The following WWC2 variants were observed in gnomAD, a reference collection of about 807,000 sequenced individuals.
WWC2 encodes protein WWC2.
A neutral mutation model predicts 138.5 loss-of-function variants in WWC2; 101 were observed. The observed-to-expected ratio is 0.73, with a 90% confidence interval of 0.62 to 0.86. The LOEUF is 0.86. Among genes scored for constraint, WWC2 ranks in the 40% least tolerant of loss-of-function variants. WWC2 has a pLI of 0.00. For synonymous variants in WWC2, 558 were observed against 538.4 expected, an observed-to-expected ratio of 1.04 and a Z score of -0.50; for missense variants, 1,420 against 1,419.4, an observed-to-expected ratio of 1.00 and a Z score of -0.01.
intron 1 of WWC2, among the ~76,000 whole-genome samples, chr4:183,165,772 A>T (rs766443916): frequency 6.6e-6 from 1 of 152,184 alleles, no homozygotes; most frequent in African/African-American, 2.4e-5. Context: ...TTTTCATCCA[A>T]ATCTTACATT....
At chr4:183,168,718 T>C (rs1008846374) in intron 1 of WWC2, among the ~76,000 whole-genome samples, 4 of 152,016 alleles carry the variant, frequency 2.6e-5, no homozygotes, top group African/African-American at 9.7e-5. Flanking sequence ...TTGTTAAGGA[T>C]AAAAATGAAA....
intron 4 of WWC2, among the ~76,000 whole-genome samples, chr4:183,222,995 G>C (rs145223016): frequency 2.6e-5 from 4 of 152,030 alleles, no homozygotes; most frequent in African/African-American, 9.7e-5. Context: ...ATATAGTTAC[G>C]TGCCAAATAA....
At chr4:183,120,007 T>C (rs1046823491) in intron 1 of WWC2, among the ~76,000 whole-genome samples, 2 of 152,196 alleles carry the variant, frequency 1.3e-5, no homozygotes, top group African/African-American at 4.8e-5. Context: ...ACAACGGAAA[T>C]GGAAATCATT....
At chr4:183,136,227 A>G (rs770465208) in intron 1 of WWC2, among the ~76,000 whole-genome samples, 3 of 151,926 alleles carry the variant, frequency 2.0e-5, no homozygotes, top group Non-Finnish European at 4.4e-5. Flanking sequence ...TTTCTTCTTT[A>G]TGGAGCTCTA....
intron 19 of WWC2, 26 bp downstream of exon 19, chr4:183,284,416 G>A (rs1738178997): frequency 6.2e-7 from 1 of 1,603,314 alleles, no homozygotes; most frequent in Non-Finnish European, 8.5e-7. Flanking sequence ...TCGTGGTGAG[G>A]CGCTGGGACT....
At chr4:183,220,210 A>G (rs1345398989) in intron 4 of WWC2, among the ~76,000 whole-genome samples, 1 of 152,170 alleles carries the variant, frequency 6.6e-6, no homozygotes, top group African/African-American at 2.4e-5. Flanking sequence ...AAAGCCCCAG[A>G]TGACAACTCA....
rs144878594 is a variant in WWC2, at chr4:183,190,206, A to G, written c.132-3393A>G. Among the ~76,000 whole-genome samples, 780 of 152,338 alleles carry G rather than the reference A, an allele frequency of 5.1e-3. 12 individuals carry two copies. The highest frequency in any genetic ancestry group is 0.018 in the African/African-American group (729 of 41,580). On this transcript the variant is annotated intron_variant, in intron 1 of 22. Transcript: ENST00000403733. ...GTTGTTGCTCCTTTGCAGGGAACCA[A>G]CCAAAAACAAACTCCATCCATTTTT...
intron 1 of WWC2, among the ~76,000 whole-genome samples, chr4:183,121,772 A>C (rs1264940037): frequency 6.9e-6 from 1 of 145,516 alleles, no homozygotes; most frequent in Non-Finnish European, 1.5e-5. Flanking sequence ...ACATTTTTTC[A>C]CTTGTTAAGA....
chr4:183,245,301 A>T, intron 5 of WWC2, 115 bp from the exon 6 acceptor site: 1 of 830,654 alleles, frequency 1.2e-6, no homozygotes, highest in Non-Finnish European at 1.7e-6. Flanking sequence ...GGTATATGAC[A>T]GTCAGCAGTG....
intron 1 of WWC2, among the ~76,000 whole-genome samples, chr4:183,134,715 G>A (rs1193385574): frequency 6.6e-6 from 1 of 151,924 alleles, no homozygotes; most frequent in Non-Finnish European, 1.5e-5. Context: ...TAGTAGGTAC[G>A]TGCAAACTTA....
chr4:183,113,457 A>G (rs945203900), intron 1 of WWC2, among the ~76,000 whole-genome samples: 3 of 151,008 alleles, frequency 2.0e-5, no homozygotes, highest in African/African-American at 7.3e-5. Flanking sequence ...AGAGTTTTCA[A>G]TTGAACTGAG....
At chr4:183,297,761 G>A (rs1245582623) in intron 21 of WWC2, among the ~76,000 whole-genome samples, 1 of 152,210 alleles carries the variant, frequency 6.6e-6, no homozygotes, top group Non-Finnish European at 1.5e-5. Flanking sequence ...CAGCCCAGGG[G>A]AGCTGAAGAG....
At chr4:183,123,049 G>GA (rs1732650260) in intron 1 of WWC2, among the ~76,000 whole-genome samples, 1 of 152,086 alleles carries the variant, frequency 6.6e-6, no homozygotes. Flanking sequence ...AGGGAAATAG[G>GA]AACTTTCATC....
intron 1 of WWC2, among the ~76,000 whole-genome samples, chr4:183,113,059 G>C (rs893638057): frequency 2.6e-5 from 4 of 152,102 alleles, no homozygotes; most frequent in African/African-American, 9.7e-5. Context: ...GATCACCTGA[G>C]GTCAGGAGTT....
chr4:183,153,707 G>A (rs541257796), intron 1 of WWC2, among the ~76,000 whole-genome samples: 15 of 148,022 alleles, frequency 1.0e-4, no homozygotes, highest in Middle Eastern at 3.4e-3. Context: ...GTGCAGTGGC[G>A]CAATCACGGC....
intron 20 of WWC2, among the ~76,000 whole-genome samples, chr4:183,288,195 G>A (rs546085787): frequency 6.6e-6 from 1 of 152,274 alleles, no homozygotes; most frequent in Non-Finnish European, 1.5e-5. Flanking sequence ...GGATGTGGAG[G>A]AAGAACAGGA....
chr4:183,132,491 T>C (rs1732956013), intron 1 of WWC2, among the ~76,000 whole-genome samples: 1 of 151,738 alleles, frequency 6.6e-6, no homozygotes, highest in African/African-American at 2.4e-5. Context: ...TCTCGCTCTG[T>C]CGCCCAGGCT....
In WWC2 at chr4:183,271,198, C is replaced by T; in HGVS notation, c.2519C>T (p.Ser840Phe). The T allele has an allele frequency of 6.2e-7, 1 of 1,612,960 alleles. No homozygotes were observed. The highest frequency in any genetic ancestry group is 8.5e-7 in the Non-Finnish European group (1 of 1,179,494). ...AAAAAGAATGAAGAAAATGAGGACT[C>T]TGTATTTCAACCAAACCAGCCGTTA... ...PCKKNEENEDSVFQPNQPLVD... is the reference protein window; with the variant it reads ...PCKKNEENEDFVFQPNQPLVD... The change falls in exon 16 of 23, where the codon TCT becomes TTT. Residue 840 changes from serine to phenylalanine, a missense_variant. Ser to Phe is a radical substitution (Grantham distance 155). Transcript: ENST00000403733.
In WWC2 at chr4:183,260,920, A is replaced by T; in HGVS notation, c.1297A>T (p.Ser433Cys). The T allele has an allele frequency of 6.2e-7, 1 of 1,613,596 alleles. No homozygotes were observed. The highest frequency in any genetic ancestry group is 8.5e-7 in the Non-Finnish European group (1 of 1,179,804). The change falls in exon 11 of 23, where the codon AGC becomes TGC. Residue 433 changes from serine (S) to cysteine (C), a missense_variant. By Grantham distance (112) the Ser-to-Cys change is moderately radical. Transcript: ENST00000403733. ...CTTTTTGTCTTTCAGCCTCTCTGCC[A>T]GCACCCTGTCCATGTCATCTGGGAG... ...LHSQLKSLSA[S>C]TLSMSSGSSL... is the part of the protein sequence containing the mutation.
Sources: allele counts gnomAD v4.1 joint callset (sites outside exome capture counted in the v4.1 genomes callset), GRCh38; gene constraint gnomAD v4.1.1; transcripts MANE v1.5; gene names NCBI Gene and HGNC (gene_info 2026-07-23, HGNC 2026-07-21).